Variants in MT4 observed in about 807,000 individuals in gnomAD.
MT4 encodes metallothionein 4, also known as metallothionein-4.
MT4 carries 11 observed loss-of-function variants against 9.5 expected under a neutral mutation model. That is an observed-to-expected ratio of 1.16 (90% confidence interval 0.73 to 1.92). The LOEUF is 1.92. MT4 is among the 30% of genes most tolerant of loss of function. The pLI is 0.00. For synonymous variants in MT4, 29 were observed against 24.6 expected, an observed-to-expected ratio of 1.18 and a Z score of -0.53; for missense variants, 88 against 78.7, an observed-to-expected ratio of 1.12 and a Z score of -0.45.
chr16:56,568,912 A>T lies in MT4; in HGVS notation c.169A>T (p.Lys57Ter), dbSNP rs1274769262. Residue 57 changes from lysine (K) to a stop codon, truncating the protein, a stop_gained, in exon 3 of 3, where the codon AAG (lysine) becomes TAG (stop). Coordinates refer to ENST00000219162, the MANE Select transcript of MT4 (RefSeq NM_032935.3). LOFTEE classifies it high-confidence loss of function. ...RGCICKGGSD[K>*]CSCCP ...CTGCATCTGCAAAGGAGGCTCAGAC[A>T]AGTGCAGCTGCTGCCCATGAAAGCC... is the stretch of plus-strand genomic sequence containing the variant. 1 of 1,605,908 alleles carries T rather than the reference A, an allele frequency of 6.2e-7. No homozygotes were observed. Among genetic ancestry groups the T allele is most frequent in the East Asian group, 2.2e-5 (1 of 44,524 alleles).
chr16:56,567,006 G>T (rs553590622), intron 1 of MT4, among the ~76,000 whole-genome samples: 1 of 151,956 alleles, frequency 6.6e-6, no homozygotes, highest in Non-Finnish European at 1.5e-5. Context: ...AAGGTGACAC[G>T]GGTGTGAAAG....
intron 1 of MT4, among the ~76,000 whole-genome samples, chr16:56,566,726 GAAAGAAA>G (rs1959526716): frequency 2.1e-4 from 10 of 46,968 alleles, no homozygotes; most frequent in South Asian, 8.5e-4. Flanking sequence ...AAGAAAGAAA[GAAAGAAA>G]GAAAGAAAGA....
rs1226025544 is a variant in MT4, at chr16:56,567,828, G to A, written c.97+12G>A. ...AACATATTGGAAGAGTGAGTATGGT[G>A]ACTGGGGGCACCATGGGCTGGGAGT... On this transcript the variant is annotated intron_variant, in intron 2 of 2. Coordinates refer to ENST00000219162, the MANE Select transcript of MT4 (RefSeq NM_032935.3). 6.2e-7 allele frequency: 1 copy of A among 1,607,972 alleles called. No individual in the cohort carries two copies. Among genetic ancestry groups the A allele is most frequent in the South Asian group, 1.1e-5 (1 of 90,928 alleles).
chr16:56,567,493 C>G (rs1220020553), intron 1 of MT4, among the ~76,000 whole-genome samples: 1 of 152,122 alleles, frequency 6.6e-6, no homozygotes, highest in Non-Finnish European at 1.5e-5. Flanking sequence ...AGGGTTGGTC[C>G]CAGGAATCTG....
chr16:56,568,245 A>AGAGAG (rs1567330570), intron 2 of MT4, among the ~76,000 whole-genome samples: 2 of 32,378 alleles, frequency 6.2e-5, no homozygotes, highest in East Asian at 1.5e-3. Context: ...GAAAGAAAGA[A>AGAGAG]AGAAAGAAAG....
chr16:56,568,235 GAAAGAAAGAAAGAA>G (rs1218348732), intron 2 of MT4, among the ~76,000 whole-genome samples: 714 of 45,680 alleles, frequency 0.016, 19 homozygotes, highest in African/African-American at 0.039. Context: ...AAGAAAGAAA[GAAAGAAAGAAAGAA>G]AGAAAGAAAG....
chr16:56,568,172 G>T (rs540782878), intron 2 of MT4, among the ~76,000 whole-genome samples: 54 of 142,908 alleles, frequency 3.8e-4, no homozygotes, highest in African/African-American at 1.4e-3. Flanking sequence ...AGGAAGGAAG[G>T]AAGAAAGGAA....
chr16:56,566,843 GAAAGAAAGAA>G (rs1959542364), intron 1 of MT4, among the ~76,000 whole-genome samples: 2 of 133,850 alleles, frequency 1.5e-5, no homozygotes, highest in East Asian at 4.5e-4. Context: ...AAGAAAGAAA[GAAAGAAAGAA>G]AGAAATGAGG....
At chr16:56,567,512 C>CA (rs1959550961) in intron 1 of MT4, among the ~76,000 whole-genome samples, 1 of 152,124 alleles carries the variant, frequency 6.6e-6, no homozygotes, top group African/African-American at 2.4e-5. Flanking sequence ...TGCATTTTCA[C>CA]AGTTATCCCA....
chr16:56,566,700 G>GAGAAAGAA (rs779895274), intron 1 of MT4, among the ~76,000 whole-genome samples: 46 of 73,456 alleles, frequency 6.3e-4, no homozygotes, highest in African/African-American at 2.5e-3. Context: ...AAGAAAGAAA[G>GAGAAAGAA]AGAAAGAAAG....
In MT4 at chr16:56,568,271, G is replaced by GAGAGAAAGAA. The variant is rs1567330643; in HGVS notation, c.97+458_97+459insGAAAGAAAGA. On this transcript the variant is annotated intron_variant, in intron 2 of 2. Coordinates refer to ENST00000219162, the MANE Select transcript of MT4 (RefSeq NM_032935.3). Reference sequence around the variant, plus strand: ...AGAAAGAAAGAAAGAGAGAGAGAGAGAGAAAGAAAGAAAGAAAGAAAGAAA... The same window carrying GAGAGAAAGAA: ...AGAAAGAAAGAAAGAGAGAGAGAGAGAGAGAAAGAAAGAAAGAAAGAAAGAAAGAAAGAAA... Among the ~76,000 whole-genome samples the GAGAGAAAGAA allele has an allele frequency of 1.7e-4, 10 of 58,642 alleles. No homozygotes were observed. In the East Asian group the frequency reaches 2.4e-3, roughly 14 times the overall value. The allele number at this position is 58,642 out of a possible 152,430, so 38.5% of individuals were successfully genotyped here.
chr16:56,565,268 A>C, intron 1 of MT4, 109 bp downstream of exon 1: 20 of 1,237,998 alleles, frequency 1.6e-5, no homozygotes, highest in East Asian at 5.4e-5. Flanking sequence ...GGAGCCACCA[A>C]TGGGGTTCGT....
chr16:56,567,587 C>T (rs1481878148), intron 1 of MT4, among the ~76,000 whole-genome samples, 164 bp from the exon 2 acceptor site: 4 of 152,164 alleles, frequency 2.6e-5, no homozygotes, highest in African/African-American at 9.7e-5. Flanking sequence ...ATTGCAGAGT[C>T]CTTGACACTG....
intron 1 of MT4, among the ~76,000 whole-genome samples, chr16:56,566,378 T>A (rs1959517594): frequency 6.6e-6 from 1 of 151,652 alleles, no homozygotes; most frequent in African/African-American, 2.4e-5. Flanking sequence ...TTTAAACAAT[T>A]AGCCAGGTGT....
chr16:56,566,798 GAAAGAAAGAAAGAAAGAAAGAAAAGAAA>G (rs1959535136), intron 1 of MT4, among the ~76,000 whole-genome samples: 1 of 46,178 alleles, frequency 2.2e-5, no homozygotes, highest in African/African-American at 6.1e-5. Flanking sequence ...AAGAAAGAAA[GAAAGAAAGAAAGAAAGAAAGAAAAGAAA>G]GAAAGAAAGA....
chr16:56,566,346 A>G (rs1280491306), intron 1 of MT4, among the ~76,000 whole-genome samples: 2 of 151,902 alleles, frequency 1.3e-5, no homozygotes, highest in African/African-American at 4.8e-5. Flanking sequence ...GCAATATAAC[A>G]AGGCCCTGTT....
intron 1 of MT4, among the ~76,000 whole-genome samples, chr16:56,566,819 A>AAAGAAAGAAAAG (rs1160884981): frequency 1.1e-4 from 6 of 52,530 alleles, no homozygotes; most frequent in East Asian, 1.1e-3. Context: ...AGAAAGAAAG[A>AAAGAAAGAAAAG]AAAGAAAGAA....
chr16:56,568,804 A>T, intron 2 of MT4, 37 bp from the exon 3 acceptor site: 1 of 1,444,450 alleles, frequency 6.9e-7, no homozygotes. Context: ...GGAAGTGTTG[A>T]CCCACAGCGG....
intron 1 of MT4, among the ~76,000 whole-genome samples, chr16:56,566,456 G>A (rs775678262): frequency 6.6e-6 from 1 of 151,656 alleles, no homozygotes; most frequent in African/African-American, 2.4e-5. Context: ...ACAGTGAGCT[G>A]TGTTCCCACC....
Sources: allele counts gnomAD v4.1 joint callset (sites outside exome capture counted in the v4.1 genomes callset), GRCh38; gene constraint gnomAD v4.1.1; transcripts MANE v1.5; gene names NCBI Gene and HGNC (gene_info 2026-07-23, HGNC 2026-07-21).